The following YES1 variants were observed in gnomAD, a reference collection of about 807,000 sequenced individuals.
YES1 encodes the protein tyrosine-protein kinase Yes.
Under a neutral mutation model 70.4 loss-of-function variants are expected in YES1, and 39 were observed. The observed-to-expected ratio is 0.55, with a 90% confidence interval of 0.43 to 0.72. The LOEUF is 0.72. YES1 is among the 30% of genes least tolerant of loss of function. YES1 has a pLI of 0.00. For missense variants in YES1, 495 were observed against 644.8 expected, an observed-to-expected ratio of 0.77 and a Z score of 2.52; for synonymous variants, 198 against 218.6, an observed-to-expected ratio of 0.91 and a Z score of 0.83.
intron 11 of YES1, among the ~76,000 whole-genome samples, chr18:726,990 GAA>G (rs965083929): frequency 1.3e-5 from 2 of 152,018 alleles, no homozygotes; most frequent in Non-Finnish European, 2.9e-5. Flanking sequence ...GCTACATGTG[GAA>G]AGTTCTTTCC....
intron 1 of YES1, among the ~76,000 whole-genome samples, chr18:797,829 G>A (rs535783343): frequency 6.2e-4 from 94 of 152,142 alleles, no homozygotes; most frequent in African/African-American, 2.1e-3. Context: ...TACTGGTAGG[G>A]CCCTGGAAGT....
Position 723,240 on chromosome 18 carries a change from A to G in YES1, c.*1184T>C, listed in dbSNP as rs2079980826. 1 of 152,452 alleles carries G rather than the reference A, an allele frequency of 6.6e-6. No homozygotes were observed. Among genetic ancestry groups the G allele is most frequent in the African/African-American group, 2.4e-5 (1 of 41,466 alleles). The allele number at this position is 152,452 out of a possible 1,614,324, so 9.4% of individuals were successfully genotyped here. The stretch of plus-strand genomic sequence containing the variant: ...TTGAACAAATACCCATTTAGTGTGT[A>G]AGAAAAATTAGTTTTATAGTTATAC... On this transcript the variant is annotated 3_prime_UTR_variant, in exon 12 of 12. Transcript: ENST00000314574.
intron 1 of YES1, among the ~76,000 whole-genome samples, chr18:811,907 T>C (rs1039281489): frequency 3.3e-5 from 5 of 151,604 alleles, no homozygotes; most frequent in African/African-American, 1.2e-4. Context: ...AGAGACCGAG[T>C]CAGGGGCGAG....
intron 1 of YES1, among the ~76,000 whole-genome samples, chr18:785,803 G>C (rs1905907448): frequency 6.6e-6 from 1 of 151,598 alleles, no homozygotes; most frequent in African/African-American, 2.4e-5. Flanking sequence ...GCCAGGCGCT[G>C]TTGAGCACCA....
chr18:725,536 C>T (rs1480353347), intron 11 of YES1, among the ~76,000 whole-genome samples: 1 of 152,056 alleles, frequency 6.6e-6, no homozygotes, highest in Non-Finnish European at 1.5e-5. Flanking sequence ...TACTTTGAAA[C>T]TCAATACTTA....
At chr18:732,569 G>A (rs546062377) in intron 11 of YES1, among the ~76,000 whole-genome samples, 99 of 152,006 alleles carry the variant, frequency 6.5e-4, no homozygotes, top group Non-Finnish European at 1.3e-3. Context: ...AGGCCCCTTT[G>A]GAAAATGTCC....
At position 751,750 on chromosome 18, in the gene YES1, T is replaced by C. The variant is rs1445866806; in HGVS notation, c.326A>G (p.Asp109Gly). The change falls in exon 3 of 12, where the codon GAC becomes GGC. Residue 109 changes from aspartate to glycine, a missense_variant. Physicochemically the swap from Asp to Gly is moderately conservative, Grantham distance 94. This residue lies in a region of YES1 where 385 missense variants were observed against 540.9 expected (regional missense o/e 0.71). Transcript: ENST00000314574. ...TCTTTCACCCTTCTTAAATGAAAGG[T>C]CTTCTGTAGTTCTAGCTTCATAATC... The part of the protein sequence containing the change: ...LYDYEARTTE[D>G]LSFKKGERFQ... 3 of 1,605,826 alleles carry C rather than the reference T, an allele frequency of 1.9e-6. No homozygotes were observed.
chr18:783,502 T>C (rs1905781346), intron 1 of YES1, among the ~76,000 whole-genome samples: 1 of 152,154 alleles, frequency 6.6e-6, no homozygotes, highest in Non-Finnish European at 1.5e-5. Flanking sequence ...TCAATTGAGT[T>C]GAATTGGAAA....
intron 1 of YES1, among the ~76,000 whole-genome samples, chr18:764,819 G>A (rs1400386845): frequency 6.6e-6 from 1 of 151,402 alleles, no homozygotes; most frequent in Non-Finnish European, 1.5e-5. Flanking sequence ...TGTAACCTCC[G>A]CCTCCTGGGT....
chr18:721,592 T>C lies in YES1; in HGVS notation c.*2832A>G, dbSNP rs541567352. 1 of 151,688 alleles carries C rather than the reference T, an allele frequency of 6.6e-6. No individual in the cohort carries two copies. Among genetic ancestry groups the C allele is most frequent in the East Asian group, 1.9e-4 (1 of 5,168 alleles). 9.4% of individuals were successfully genotyped at this position (151,688 alleles called of 1,614,324 possible). On this transcript the variant is annotated 3_prime_UTR_variant, in exon 12 of 12. Coordinates refer to ENST00000314574, the MANE Select transcript of YES1 (RefSeq NM_005433.4). ...AAGAAAATTGACCACAAAGAATGAG[T>C]TCAATAATGTTCTGAATTTAATAAA...
chr18:741,151 G>T (rs1213726845), intron 8 of YES1, among the ~76,000 whole-genome samples: 2 of 152,148 alleles, frequency 1.3e-5, no homozygotes, highest in African/African-American at 4.8e-5. Context: ...GCCTGCCTCG[G>T]CCTCCCAAAG....
intron 1 of YES1, among the ~76,000 whole-genome samples, chr18:808,903 C>T (rs1414471591): frequency 1.3e-5 from 2 of 152,182 alleles, no homozygotes; most frequent in Non-Finnish European, 2.9e-5. Context: ...TAAACAAAAA[C>T]TTATTTTATG....
chr18:787,648 T>C (rs891628412), intron 1 of YES1, among the ~76,000 whole-genome samples: 22 of 151,966 alleles, frequency 1.4e-4, no homozygotes, highest in South Asian at 4.2e-4. Context: ...ATGCGGAGGT[T>C]GCAGTGAGCT....
At chr18:729,993 G>A (rs1265848868) in intron 11 of YES1, among the ~76,000 whole-genome samples, 1 of 152,034 alleles carries the variant, frequency 6.6e-6, no homozygotes, top group Non-Finnish European at 1.5e-5. Context: ...TTTATTTTGT[G>A]CTAGACATTT....
At chr18:768,875 G>A (rs1474702341) in intron 1 of YES1, among the ~76,000 whole-genome samples, 11 of 151,958 alleles carry the variant, frequency 7.2e-5, no homozygotes, top group Non-Finnish European at 1.6e-4. Flanking sequence ...GCTAATTTTT[G>A]TATTTTTAGT....
intron 11 of YES1, among the ~76,000 whole-genome samples, chr18:726,549 GT>G (rs1260103270): frequency 2.5e-4 from 38 of 151,882 alleles, no homozygotes; most frequent in African/African-American, 7.0e-4. Context: ...GGGAGGCTGA[GT>G]GGGCGGATCA....
chr18:731,920 TCG>T (rs1195998993), intron 11 of YES1, among the ~76,000 whole-genome samples: 2 of 134,722 alleles, frequency 1.5e-5, no homozygotes, highest in East Asian at 4.6e-4. Flanking sequence ...TGAGCTGAGA[TCG>T]TGCCACTGCA....
At chr18:750,109 T>G (rs963218714) in intron 3 of YES1, among the ~76,000 whole-genome samples, 2 of 152,244 alleles carry the variant, frequency 1.3e-5, no homozygotes, top group Non-Finnish European at 2.9e-5. Context: ...TAAAATGTTA[T>G]AAATGCCTAG....
At chr18:753,344 A>G (rs2080365821) in intron 2 of YES1, among the ~76,000 whole-genome samples, 1 of 152,158 alleles carries the variant, frequency 6.6e-6, no homozygotes, top group Non-Finnish European at 1.5e-5. Context: ...AGAATACAAT[A>G]TATTGTTATT....
Sources: allele counts gnomAD v4.1 joint callset (sites outside exome capture counted in the v4.1 genomes callset), GRCh38; gene constraint gnomAD v4.1.1; regional missense constraint gnomAD v4.1.1; transcripts MANE v1.5; gene names NCBI Gene and HGNC (gene_info 2026-07-23, HGNC 2026-07-21).